Variants in HIPK2 observed in about 807,000 individuals in gnomAD.
HIPK2 encodes homeodomain-interacting protein kinase 2.
In HIPK2, 27 loss-of-function variants were observed where a neutral mutation model predicts 113.7. The observed-to-expected ratio is 0.24, with a 90% CI of 0.17 to 0.33. The LOEUF (loss-of-function observed/expected upper bound fraction) is 0.33, where lower values mean the gene tolerates loss of function less well. HIPK2 is among the 10% of genes least tolerant of loss of function. The pLI is 1.00. For synonymous variants in HIPK2, 631 were observed against 642.2 expected (o/e 0.98, Z 0.26); for missense variants, 1,257 against 1,588.0 (o/e 0.79, Z 3.54).
chr7:139,690,064 G>T (rs1228630417), intron 2 of HIPK2, among the ~76,000 whole-genome samples: 21 of 151,204 alleles, frequency 1.4e-4, no homozygotes, highest in Non-Finnish European at 2.2e-4. Flanking sequence ...CGGTGGGGGC[G>T]GGGGTGGGGG....
At position 139,668,102 on chromosome 7, in the gene HIPK2, G is replaced by A. The variant is rs557256392; in HGVS notation, c.1104-36377C>T. 2.0e-5 allele frequency among the ~76,000 whole-genome samples: 3 copies of A among 150,058 alleles called. No individual in the cohort carries two copies. The South Asian group carries it at 6.4e-4, about 32-fold the overall frequency. On this transcript the variant is annotated intron_variant, in intron 2 of 14. Coordinates refer to ENST00000406875, the MANE Select transcript of HIPK2 (RefSeq NM_022740.5). ...GATCAAACCATTGCACTCCAGCCTGGGTGACAAGCGCAAAACTCCATCTCA... is the reference window on the plus strand; with the variant it reads ...GATCAAACCATTGCACTCCAGCCTGAGTGACAAGCGCAAAACTCCATCTCA...
chr7:139,584,697 G>T lies in HIPK2; in HGVS notation c.2718-633C>A, dbSNP rs1490917691. 2.0e-5 allele frequency among the ~76,000 whole-genome samples: 3 copies of T among 152,212 alleles called. 1 individual carries two copies. The highest frequency in any genetic ancestry group is 7.2e-5 in the African/African-American group (3 of 41,454). On this transcript the variant is annotated intron_variant, in intron 12 of 14. Transcript: ENST00000406875. Reference sequence around the variant, plus strand: ...CCTCTCCTTACTTTGAGTGTGCTCTGTGGGCTGTGTGCAGGCCACTACGAC... The same window carrying T: ...CCTCTCCTTACTTTGAGTGTGCTCTTTGGGCTGTGTGCAGGCCACTACGAC...
rs1468071088 is a variant in HIPK2, at chr7:139,572,571, C to T, written c.*356G>A. On this transcript the variant is annotated 3_prime_UTR_variant, in exon 15 of 15. Transcript: ENST00000406875. Reference sequence around the variant, plus strand: ...TGCTCTCTTCTCCTTTCCAGTTTGGCGTAGAATGGGTTCTTGAGCTGGGTT... The same window carrying T: ...TGCTCTCTTCTCCTTTCCAGTTTGGTGTAGAATGGGTTCTTGAGCTGGGTT... 9 of 190,396 alleles carry T rather than the reference C, an allele frequency of 4.7e-5. No individual in the cohort carries two copies. The highest frequency in any genetic ancestry group is 9.6e-5 in the Non-Finnish European group (9 of 93,908). The allele number at this position is 190,396 out of a possible 1,614,324, so 11.8% of individuals were successfully genotyped here.
At position 139,573,240 on chromosome 7, in the gene HIPK2, T is replaced by C. The variant is rs767482011; in HGVS notation, c.3284A>G (p.His1095Arg). 5.0e-6 allele frequency: 8 copies of C among 1,599,100 alleles called. No homozygotes were observed. The Admixed American group carries it at 1.2e-4, about 23-fold the overall frequency. The change falls in exon 15 of 15, where the codon CAC becomes CGC. Residue 1095 changes from histidine (H) to arginine (R), a missense_variant. Physicochemically the swap from His to Arg is conservative, Grantham distance 29. This residue lies in a region of HIPK2 where 862 missense variants were observed against 1,004.3 expected (regional missense o/e 0.86). Transcript: ENST00000406875. Reference sequence around the variant, plus strand: ...GTAGAGGTGGGGCTGGGTGGGGAGGTGGGCAGCGGCAGCGGCTGCAGCCAG... The same window carrying C: ...GTAGAGGTGGGGCTGGGTGGGGAGGCGGGCAGCGGCAGCGGCTGCAGCCAG... ...PHLAAAAAAAHLPTQPHLYTY... is the reference protein window; with the variant it reads ...PHLAAAAAAARLPTQPHLYTY...
rs1217905786 is a variant in HIPK2, at chr7:139,562,076, T to C, written c.*10851A>G. 1 of 152,182 alleles carries C rather than the reference T, an allele frequency of 6.6e-6. No homozygotes were observed. The highest frequency in any genetic ancestry group is 2.4e-5 in the African/African-American group (1 of 41,434). 9.4% of individuals were successfully genotyped at this position (152,182 alleles called of 1,614,324 possible). A position where few individuals can be genotyped will look rare whatever the true frequency, so the allele number is the denominator to read the frequency against. ...ATGAGACTAAGGAATAGGTTACATA[T>C]AGGTCTACAACACATTGGTTTGTCT... is the stretch of plus-strand genomic sequence containing the variant. On this transcript the variant is annotated 3_prime_UTR_variant, in exon 15 of 15. Coordinates refer to ENST00000406875, the MANE Select transcript of HIPK2 (RefSeq NM_022740.5).
At chr7:139,697,925 A>G (rs1460737337) in intron 2 of HIPK2, among the ~76,000 whole-genome samples, 1 of 142,972 alleles carries the variant, frequency 7.0e-6, no homozygotes, top group East Asian at 2.0e-4. Context: ...ACTGGAGTGC[A>G]TTGGCACGAT....
At chr7:139,753,566 G>A (rs1288848384) in intron 1 of HIPK2, among the ~76,000 whole-genome samples, 1 of 152,256 alleles carries the variant, frequency 6.6e-6, no homozygotes, top group African/African-American at 2.4e-5. Context: ...TCAGCTCAGA[G>A]TGCATTTTTT....
intron 1 of HIPK2, among the ~76,000 whole-genome samples, chr7:139,730,651 G>A (rs1330910846): frequency 6.6e-6 from 1 of 152,134 alleles, no homozygotes; most frequent in East Asian, 1.9e-4. Flanking sequence ...ATGAGCCATC[G>A]CACCTGGCCC....
At chr7:139,672,154 T>C (rs1802326386) in intron 2 of HIPK2, among the ~76,000 whole-genome samples, 1 of 152,210 alleles carries the variant, frequency 6.6e-6, no homozygotes, top group Non-Finnish European at 1.5e-5. Flanking sequence ...CTAAAGATAA[T>C]GCAGGGAATA....
intron 12 of HIPK2, among the ~76,000 whole-genome samples, chr7:139,592,703 T>C (rs773008635): frequency 3.3e-5 from 5 of 151,842 alleles, no homozygotes; most frequent in Non-Finnish European, 5.9e-5. Context: ...ATCAAGAGAG[T>C]CCAGGAGAGA....
At chr7:139,762,632 A>C (rs1796485116) in intron 1 of HIPK2, among the ~76,000 whole-genome samples, 1 of 152,350 alleles carries the variant, frequency 6.6e-6, no homozygotes, top group South Asian at 2.1e-4. Flanking sequence ...ATTTTTGAAG[A>C]TATACTATAC....
chr7:139,623,517 CAAAAAAAAA>C (rs771370297), intron 6 of HIPK2, among the ~76,000 whole-genome samples: 3 of 74,096 alleles, frequency 4.0e-5, no homozygotes, highest in Non-Finnish European at 6.3e-5. Context: ...GACTCTACTT[CAAAAAAAAA>C]AAAAAAAAAA....
At chr7:139,720,819 C>T (rs1273696250) in intron 1 of HIPK2, among the ~76,000 whole-genome samples, 3 of 152,152 alleles carry the variant, frequency 2.0e-5, no homozygotes, top group Non-Finnish European at 4.4e-5. Context: ...AGCAGAAATA[C>T]GCTGTTCATA....
At chr7:139,650,467 T>G (rs996264741) in intron 2 of HIPK2, among the ~76,000 whole-genome samples, 1 of 126,254 alleles carries the variant, frequency 7.9e-6, no homozygotes, top group Non-Finnish European at 1.8e-5. Context: ...TCCCTTCGGG[T>G]TTTTTTTTTT....
chr7:139,696,069 T>C (rs1457512243), intron 2 of HIPK2, among the ~76,000 whole-genome samples: 4 of 152,136 alleles, frequency 2.6e-5, no homozygotes, highest in African/African-American at 9.7e-5. Context: ...GTGCTGCAGA[T>C]GAACAGAAGG....
At chr7:139,575,034 G>T (rs866918606) in intron 14 of HIPK2, 94 bp downstream of exon 14, 8 of 1,449,810 alleles carry the variant, frequency 5.5e-6, no homozygotes, top group Middle Eastern at 2.5e-4. Context: ...GCCCTGTGAG[G>T]TGGGTGAGGG....
At chr7:139,617,455 G>C (rs987932887) in intron 7 of HIPK2, among the ~76,000 whole-genome samples, 1 of 152,246 alleles carries the variant, frequency 6.6e-6, no homozygotes, top group African/African-American at 2.4e-5. Context: ...AATGGTTCCA[G>C]AAGGAAGGGG....
intron 2 of HIPK2, among the ~76,000 whole-genome samples, chr7:139,689,172 G>C (rs914972613): frequency 6.6e-6 from 1 of 152,184 alleles, no homozygotes; most frequent in African/African-American, 2.4e-5. Context: ...CCCACAGAGT[G>C]CTCCCCAAGA....
In HIPK2 at chr7:139,570,464, C is replaced by G. The variant is rs2116430836; in HGVS notation, c.*2463G>C. On this transcript the variant is annotated 3_prime_UTR_variant, in exon 15 of 15. Coordinates refer to ENST00000406875, the MANE Select transcript of HIPK2 (RefSeq NM_022740.5). ...GCAGGCCTCTTGCCGGCACAGCCTC[C>G]AGCAGGCACTTGGCAAGACTGCCCG... 6.6e-6 allele frequency: 1 copy of G among 152,374 alleles called. No homozygotes were observed. The highest frequency in any genetic ancestry group is 2.4e-5 in the African/African-American group (1 of 41,578). The allele number at this position is 152,374 out of a possible 1,614,324, so 9.4% of individuals were successfully genotyped here.
Sources: gnomAD v4.1 joint callset for allele counts (sites outside exome capture counted in the v4.1 genomes callset) on GRCh38, gnomAD v4.1.1 for gene constraint, gnomAD v4.1.1 regional missense constraint, MANE v1.5 for transcripts, NCBI Gene and HGNC (gene_info 2026-07-23, HGNC 2026-07-21) for gene names.